The following SMIM13 variants were observed in gnomAD, a reference collection of about 807,000 sequenced individuals.
SMIM13 encodes small integral membrane protein 13.
A neutral mutation model predicts 5.9 loss-of-function variants in SMIM13; 3 were observed. The ratio of observed to expected loss-of-function variants is 0.51; its 90% CI spans 0.23 to 1.31. SMIM13 has a LOEUF of 1.31. Ranked by LOEUF, SMIM13 falls within the 40% of genes most tolerant of loss-of-function variation. The probability of loss-of-function intolerance (pLI) is 0.18; values close to 1 mark genes in which losing one functional copy is unlikely to be tolerated. For synonymous variants in SMIM13, 55 were observed against 46.0 expected (o/e 1.19, Z -0.79); for missense variants, 85 against 109.9 (o/e 0.77, Z 1.01).
chr6:11,125,564 C>T (rs1393750240), intron 1 of SMIM13, among the ~76,000 whole-genome samples: 1 of 152,054 alleles, frequency 6.6e-6, no homozygotes, highest in East Asian at 1.9e-4. Context: ...CCATTGCACT[C>T]CAGACTCCAG....
chr6:11,127,092 G>A (rs1214123045), intron 1 of SMIM13, among the ~76,000 whole-genome samples: 1 of 152,212 alleles, frequency 6.6e-6, no homozygotes, highest in Non-Finnish European at 1.5e-5. Flanking sequence ...CTCGAAGCCA[G>A]CATAACAATG....
At chr6:11,128,751 T>C (rs1758411099) in intron 1 of SMIM13, among the ~76,000 whole-genome samples, 1 of 152,072 alleles carries the variant, frequency 6.6e-6, no homozygotes, top group Non-Finnish European at 1.5e-5. Context: ...GTCTAGCTGC[T>C]CCCTCTGTGG....
chr6:11,099,396 A>G (rs764692252), intron 1 of SMIM13, among the ~76,000 whole-genome samples: 3 of 152,070 alleles, frequency 2.0e-5, no homozygotes, highest in Non-Finnish European at 2.9e-5. Context: ...GATGGTCTCA[A>G]TCTCCTGACC....
chr6:11,125,805 GTCT>G (rs1193325036), intron 1 of SMIM13, among the ~76,000 whole-genome samples: 2 of 152,090 alleles, frequency 1.3e-5, no homozygotes, highest in Non-Finnish European at 2.9e-5. Context: ...GCCTTGAGGA[GTCT>G]TCTTTGGGTT....
At position 11,138,051 on chromosome 6, in the gene SMIM13, TC is replaced by T. The variant is rs1480725849; in HGVS notation, c.*3450del. 6.6e-6 allele frequency: 1 copy of T among 152,222 alleles called. No homozygotes were observed. Among genetic ancestry groups the T allele is most frequent in the Non-Finnish European group, 1.5e-5 (1 of 68,026 alleles). 9.4% of individuals were successfully genotyped at this position (152,222 alleles called of 1,614,324 possible). On this transcript the variant is annotated 3_prime_UTR_variant, in exon 2 of 2. Coordinates refer to ENST00000416247, the MANE Select transcript of SMIM13 (RefSeq NM_001135575.2). ...GCATTTTTACTTTTAAGAGCAGCAA[TC>T]TTTGAAATTAGTCAACAATGCAGTC...
intron 1 of SMIM13, chr6:11,104,387 G>A (rs1309261943): frequency 6.4e-7 from 1 of 1,551,560 alleles, no homozygotes; most frequent in African/African-American, 1.4e-5. Context: ...TACTGGGGAG[G>A]CATTGGTGAA....
At chr6:11,104,898 C>T (rs1758060568) in intron 1 of SMIM13, 1 of 1,614,134 alleles carries the variant, frequency 6.2e-7, no homozygotes, top group Non-Finnish European at 8.5e-7. Flanking sequence ...TGGAAGAGTG[C>T]CTACATTTGT....
In SMIM13 at chr6:11,101,081, C is replaced by T. The variant is rs186397588; in HGVS notation, c.76+6692C>T. On this transcript the variant is annotated intron_variant, in intron 1 of 1. Coordinates refer to ENST00000416247, the MANE Select transcript of SMIM13 (RefSeq NM_001135575.2). ...CTCTGAAACTTCTGGTAGTTGTATG[C>T]TGGACCTTTTGGGTTGATTCTTTAA... 3.6e-4 allele frequency among the ~76,000 whole-genome samples: 51 copies of T among 143,350 alleles called. No individual in the cohort carries two copies. The East Asian group carries it at 0.01, about 28-fold the overall frequency. 94.0% of individuals were successfully genotyped at this position (143,350 alleles called of 152,430 possible). A position where few individuals can be genotyped will look rare whatever the true frequency, so the allele number is the denominator to read the frequency against.
chr6:11,124,404 C>T (rs931131553), intron 1 of SMIM13, among the ~76,000 whole-genome samples: 2 of 152,194 alleles, frequency 1.3e-5, no homozygotes, highest in African/African-American at 2.4e-5. Context: ...TGTTGATGGA[C>T]ACCTAGGTTG....
At chr6:11,133,393 G>GA (rs1392972193) in intron 1 of SMIM13, among the ~76,000 whole-genome samples, 6 of 151,400 alleles carry the variant, frequency 4.0e-5, no homozygotes, top group Admixed American at 3.3e-4. Context: ...GAGATAGTAA[G>GA]AAAAAAAACA....
chr6:11,120,376 T>G (rs1041127563), intron 1 of SMIM13, among the ~76,000 whole-genome samples: 1 of 152,198 alleles, frequency 6.6e-6, no homozygotes, highest in Admixed American at 6.5e-5. Context: ...TAATGTCTGG[T>G]GAGGGCCTGC....
At chr6:11,119,239 C>T (rs1457162036) in intron 1 of SMIM13, among the ~76,000 whole-genome samples, 4 of 152,294 alleles carry the variant, frequency 2.6e-5, no homozygotes, top group South Asian at 4.1e-4. Flanking sequence ...GACACATGCG[C>T]GTGCACTCTC....
Position 11,124,702 on chromosome 6 carries a change from A to C in SMIM13, c.77-9701A>C, listed in dbSNP as rs1758353636. The stretch of plus-strand genomic sequence containing the variant: ...ATCGTTATTGTCTATCCTTTGGATA[A>C]AAGCCATTTTAACTGGGTGAGATGA... On this transcript the variant is annotated intron_variant, in intron 1 of 1. Coordinates refer to ENST00000416247, the MANE Select transcript of SMIM13 (RefSeq NM_001135575.2). Among the ~76,000 whole-genome samples the C allele has an allele frequency of 2.6e-5, 4 of 152,318 alleles. No individual in the cohort carries two copies. In the South Asian group the frequency reaches 8.3e-4, roughly 32 times the overall value.
chr6:11,113,900 T>C (rs1221624194), intron 1 of SMIM13, among the ~76,000 whole-genome samples: 1 of 151,860 alleles, frequency 6.6e-6, no homozygotes, highest in African/African-American at 2.4e-5. Flanking sequence ...TAAATGTCAT[T>C]TGTTTTGTGT....
intron 1 of SMIM13, among the ~76,000 whole-genome samples, chr6:11,110,986 A>AT (rs1758158311): frequency 6.6e-6 from 1 of 152,228 alleles, no homozygotes; most frequent in Non-Finnish European, 1.5e-5. Context: ...GATGAAAAGC[A>AT]TATGGTAAGT....
At chr6:11,101,302 C>T (rs920143608) in intron 1 of SMIM13, among the ~76,000 whole-genome samples, 4 of 152,142 alleles carry the variant, frequency 2.6e-5, no homozygotes, top group Admixed American at 6.5e-5. Context: ...CTAGCGTTGC[C>T]GCTTGCTAGC....
intron 1 of SMIM13, among the ~76,000 whole-genome samples, chr6:11,115,012 C>T (rs1380622734): frequency 6.6e-6 from 1 of 152,162 alleles, no homozygotes; most frequent in East Asian, 1.9e-4. Flanking sequence ...TATCCATTTT[C>T]TATACTGTAG....
intron 1 of SMIM13, among the ~76,000 whole-genome samples, chr6:11,102,283 T>A (rs967480448): frequency 2.0e-5 from 3 of 152,224 alleles, no homozygotes; most frequent in African/African-American, 7.2e-5. Context: ...GAAAAATCAA[T>A]TTTTAAAGAT....
intron 1 of SMIM13, among the ~76,000 whole-genome samples, chr6:11,116,982 C>CTTATTTTTTTTT (rs1758247656): frequency 2.2e-5 from 1 of 46,452 alleles, no homozygotes; most frequent in African/African-American, 9.0e-5. Context: ...ATAATTGTTT[C>CTTATTTTTTTTT]TTTTTTTTTT....
Sources: gnomAD v4.1 joint callset for allele counts (sites outside exome capture counted in the v4.1 genomes callset) on GRCh38, gnomAD v4.1.1 for gene constraint, MANE v1.5 for transcripts, NCBI Gene and HGNC (gene_info 2026-07-23, HGNC 2026-07-21) for gene names.